ARIH1: variants seen among roughly 807,000 people sequenced by gnomAD.
ARIH1 encodes the protein ariadne RBR E3 ubiquitin protein ligase 1.
In ARIH1, 8 loss-of-function variants were observed where a neutral mutation model predicts 85.0. The observed-to-expected ratio is 0.09, with a 90% CI of 0.06 to 0.17. The LOEUF (loss-of-function observed/expected upper bound fraction) is 0.17. Ranked by LOEUF, ARIH1 falls within the 10% of genes least tolerant of loss-of-function variation. The probability of loss-of-function intolerance (pLI) is 1.00; values close to 1 mark genes in which losing one functional copy is unlikely to be tolerated. For missense variants in ARIH1, 311 were observed against 718.1 expected, an observed-to-expected ratio of 0.43 and a Z score of 6.48; for synonymous variants, 238 against 253.6, an observed-to-expected ratio of 0.94 and a Z score of 0.59.
At chr15:72,549,900 T>C (rs1022985523) in intron 3 of ARIH1, among the ~76,000 whole-genome samples, 16 of 152,166 alleles carry the variant, frequency 1.1e-4, no homozygotes, top group East Asian at 1.9e-4. Context: ...ATAGATAATA[T>C]GATCCCCTGG....
chr15:72,571,582 T>C (rs1289709570), intron 10 of ARIH1, among the ~76,000 whole-genome samples: 1 of 152,166 alleles, frequency 6.6e-6, no homozygotes, highest in Non-Finnish European at 1.5e-5. Context: ...AAAACTGTAA[T>C]AGCAAAGCAC....
intron 2 of ARIH1, among the ~76,000 whole-genome samples, chr15:72,528,020 G>C (rs1343132954): frequency 6.6e-6 from 1 of 151,864 alleles, no homozygotes; most frequent in East Asian, 1.9e-4. Flanking sequence ...ATTTCATTTT[G>C]GGAGCTTTTA....
At chr15:72,553,068 C>T (rs1173637298) in intron 3 of ARIH1, among the ~76,000 whole-genome samples, 1 of 152,152 alleles carries the variant, frequency 6.6e-6, no homozygotes, top group Non-Finnish European at 1.5e-5. Context: ...AGCCACCGCA[C>T]CCGGCCTAGG....
intron 1 of ARIH1, among the ~76,000 whole-genome samples, chr15:72,510,413 T>G (rs978170089): frequency 5.3e-5 from 8 of 152,190 alleles, no homozygotes; most frequent in African/African-American, 1.9e-4. Context: ...CATTTGGGTC[T>G]GATCCATTAT....
intron 1 of ARIH1, among the ~76,000 whole-genome samples, chr15:72,513,880 C>CCCGCCT (rs1195520062): frequency 2.5e-4 from 34 of 137,982 alleles, no homozygotes; most frequent in African/African-American, 8.6e-4. Context: ...TACCCCCCGC[C>CCCGCCT]CCGCCTCCGC....
At chr15:72,568,035 A>G (rs1331329025) in intron 9 of ARIH1, among the ~76,000 whole-genome samples, 1 of 152,216 alleles carries the variant, frequency 6.6e-6, no homozygotes, top group Non-Finnish European at 1.5e-5. Context: ...TTACATACTT[A>G]TATATAAAAC....
At chr15:72,510,630 G>A (rs1021470776) in intron 1 of ARIH1, among the ~76,000 whole-genome samples, 3 of 149,766 alleles carry the variant, frequency 2.0e-5, no homozygotes, top group Admixed American at 1.3e-4. Context: ...CCAGCTACTG[G>A]GGAGGCTGAG....
chr15:72,480,802 T>G (rs2063813599), intron 1 of ARIH1, among the ~76,000 whole-genome samples: 1 of 152,158 alleles, frequency 6.6e-6, no homozygotes, highest in African/African-American at 2.4e-5. Flanking sequence ...CGACCTCAGG[T>G]GATCTGCCCG....
At chr15:72,494,751 A>G (rs1352138891) in intron 1 of ARIH1, among the ~76,000 whole-genome samples, 1 of 151,932 alleles carries the variant, frequency 6.6e-6, no homozygotes, top group Non-Finnish European at 1.5e-5. Flanking sequence ...ATAACCTGTG[A>G]AAGAAATGGG....
intron 1 of ARIH1, 25 bp downstream of exon 1, chr15:72,475,039 G>T (rs1350651883): frequency 6.5e-7 from 1 of 1,548,278 alleles, no homozygotes; most frequent in Admixed American, 2.0e-5. Context: ...CGCGCCAGCT[G>T]GACCGGGCCC....
chr15:72,520,460 G>A (rs558701878), intron 2 of ARIH1, among the ~76,000 whole-genome samples: 20 of 150,422 alleles, frequency 1.3e-4, no homozygotes, highest in African/African-American at 4.4e-4. Context: ...TGTAGGTGCC[G>A]TTTAAAAAAA....
rs1043520463 is a variant in ARIH1 at position 72,589,842 on chromosome 15, AAG to A, written c.*6554_*6555del. On this transcript the variant is annotated 3_prime_UTR_variant, in exon 14 of 14. Coordinates refer to ENST00000379887, the MANE Select transcript of ARIH1 (RefSeq NM_005744.5). ...GTTTATTTTTATTTTTTATTTTTTT[AAG>A]AGACAGTCTTGCTATGTTGCCCAGG... The A allele has an allele frequency of 6.6e-6, 1 of 152,002 alleles. No homozygotes were observed. Among genetic ancestry groups the A allele is most frequent in the African/African-American group, 2.4e-5 (1 of 41,392 alleles). The allele number at this position is 152,002 out of a possible 1,614,324, so 9.4% of individuals were successfully genotyped here.
At chr15:72,487,260 C>T (rs2063841313) in intron 1 of ARIH1, among the ~76,000 whole-genome samples, 2 of 152,074 alleles carry the variant, frequency 1.3e-5, no homozygotes, top group Non-Finnish European at 2.9e-5. Flanking sequence ...CTAAGAATAG[C>T]TATCATCCTA....
intron 1 of ARIH1, among the ~76,000 whole-genome samples, chr15:72,484,645 A>ATG (rs1013475558): frequency 4.6e-5 from 7 of 150,944 alleles, no homozygotes; most frequent in African/African-American, 9.8e-5. Flanking sequence ...ATATATATAT[A>ATG]TGTGTATATA....
chr15:72,541,336 A>T (rs553020792), intron 2 of ARIH1, among the ~76,000 whole-genome samples: 23 of 152,346 alleles, frequency 1.5e-4, no homozygotes, highest in Non-Finnish European at 8.8e-5. Flanking sequence ...ACCTGAGAAT[A>T]AAGTTACTGG....
rs2064320335 is a variant in ARIH1 at position 72,587,104 on chromosome 15, T to TC, written c.*3813dup. On this transcript the variant is annotated 3_prime_UTR_variant, in exon 14 of 14. Transcript: ENST00000379887. ...TATCACTTTTCCTCTTCAAAGCACT[T>TC]CAACTTACTGTCTAAAACAAGTGGA... 2 of 430,442 alleles carry TC rather than the reference T, an allele frequency of 4.6e-6. No individual in the cohort carries two copies. Among genetic ancestry groups the TC allele is most frequent in the Non-Finnish European group, 9.1e-6 (2 of 219,358 alleles). 26.7% of individuals were successfully genotyped at this position (430,442 alleles called of 1,614,324 possible).
intron 1 of ARIH1, among the ~76,000 whole-genome samples, chr15:72,516,885 A>T (rs567823492): frequency 7.2e-5 from 11 of 152,276 alleles, no homozygotes; most frequent in Middle Eastern, 3.4e-3. Context: ...TGATGTAGTA[A>T]AATTATATAT....
chr15:72,555,979 A>T, intron 5 of ARIH1, 72 bp downstream of exon 5: 1 of 1,333,422 alleles, frequency 7.5e-7, no homozygotes. Flanking sequence ...TTTACTTAGT[A>T]CCTCAAAGGA....
rs1010919913 is a variant in ARIH1 at position 72,596,237 on chromosome 15, T to C, written c.*12945T>C. On this transcript the variant is annotated 3_prime_UTR_variant, in exon 14 of 14. Transcript: ENST00000379887. ...TATTTTAGTTGGATATAGGACTCTATGTTGACCTTTTATTTCTTCTTTCAG... is the reference window on the plus strand; with the variant it reads ...TATTTTAGTTGGATATAGGACTCTACGTTGACCTTTTATTTCTTCTTTCAG... 6.6e-6 allele frequency: 1 copy of C among 152,228 alleles called. No individual in the cohort carries two copies. The highest frequency in any genetic ancestry group is 1.9e-4 in the East Asian group (1 of 5,204). The allele number at this position is 152,228 out of a possible 1,614,324, so 9.4% of individuals were successfully genotyped here.
Sources: gnomAD v4.1 joint callset for allele counts (sites outside exome capture counted in the v4.1 genomes callset) on GRCh38, gnomAD v4.1.1 for gene constraint, MANE v1.5 for transcripts, NCBI Gene and HGNC (gene_info 2026-07-23, HGNC 2026-07-21) for gene names.